Variants in ST6GALNAC5 observed in about 807,000 individuals in gnomAD.
ST6GALNAC5 encodes alpha-N-acetylgalactosaminide alpha-2,6-sialyltransferase 5.
In ST6GALNAC5, 27 loss-of-function variants were observed where a neutral mutation model predicts 33.6. The observed-to-expected ratio is 0.80, with a 90% confidence interval of 0.59 to 1.11. The LOEUF (loss-of-function observed/expected upper bound fraction) is 1.11. Among genes scored for constraint, ST6GALNAC5 ranks in the 50% least tolerant of loss-of-function variants. ST6GALNAC5 has a pLI of 0.00. For synonymous variants in ST6GALNAC5, 194 were observed against 171.2 expected (o/e 1.13, Z -1.04); for missense variants, 428 against 454.0 (o/e 0.94, Z 0.52).
intron 2 of ST6GALNAC5, among the ~76,000 whole-genome samples, chr1:76,870,282 G>A (rs1282392302): frequency 6.6e-6 from 1 of 152,186 alleles, no homozygotes; most frequent in Non-Finnish European, 1.5e-5. Context: ...GATGGCTGTG[G>A]TGTTTATGTG....
At chr1:77,000,632 G>A (rs935928255) in intron 2 of ST6GALNAC5, among the ~76,000 whole-genome samples, 2 of 150,724 alleles carry the variant, frequency 1.3e-5, no homozygotes, top group Non-Finnish European at 3.0e-5. Context: ...TAGGTCTAAC[G>A]TTTAAGTCCT....
chr1:76,965,193 GCAATGGTGGAATTAGTTTACCA>G (rs1392393703), intron 2 of ST6GALNAC5, among the ~76,000 whole-genome samples: 1 of 143,844 alleles, frequency 7.0e-6, no homozygotes, highest in Non-Finnish European at 1.5e-5. Flanking sequence ...ACTGTCTTCC[GCAATGGTGGAATTAGTTTACCA>G]CCCCCCCCAC....
At chr1:76,898,233 T>C (rs1646774563) in intron 2 of ST6GALNAC5, among the ~76,000 whole-genome samples, 1 of 152,204 alleles carries the variant, frequency 6.6e-6, no homozygotes, top group Non-Finnish European at 1.5e-5. Flanking sequence ...CCAGCACTTG[T>C]AGCAAGCTCC....
At chr1:76,960,192 T>C (rs1648175660) in intron 2 of ST6GALNAC5, among the ~76,000 whole-genome samples, 1 of 152,154 alleles carries the variant, frequency 6.6e-6, no homozygotes, top group African/African-American at 2.4e-5. Flanking sequence ...TCAGTCGGTC[T>C]GAGAAATAAA....
chr1:76,963,673 C>T (rs1189650651), intron 2 of ST6GALNAC5, among the ~76,000 whole-genome samples: 1 of 152,136 alleles, frequency 6.6e-6, no homozygotes, highest in African/African-American at 2.4e-5. Flanking sequence ...CTCTTTTGTC[C>T]ATTTCCACCT....
At chr1:77,036,725 T>C (rs1476198687) in intron 2 of ST6GALNAC5, among the ~76,000 whole-genome samples, 1 of 152,264 alleles carries the variant, frequency 6.6e-6, no homozygotes, top group Non-Finnish European at 1.5e-5. Context: ...ACTTATTCTT[T>C]GCAAAGTATA....
At chr1:77,037,808 G>A (rs1176709724) in intron 2 of ST6GALNAC5, among the ~76,000 whole-genome samples, 2 of 152,136 alleles carry the variant, frequency 1.3e-5, no homozygotes, top group Non-Finnish European at 2.9e-5. Flanking sequence ...CAGCAGGGAT[G>A]GTGAGAAGTG....
chr1:77,045,701 A>G (rs1651985086), intron 3 of ST6GALNAC5, among the ~76,000 whole-genome samples: 1 of 152,180 alleles, frequency 6.6e-6, no homozygotes, highest in African/African-American at 2.4e-5. Context: ...CTGGAGGTCC[A>G]GGGAATCAGG....
intron 2 of ST6GALNAC5, among the ~76,000 whole-genome samples, chr1:77,000,913 A>G (rs1650131821): frequency 6.6e-6 from 1 of 152,008 alleles, no homozygotes; most frequent in Non-Finnish European, 1.5e-5. Context: ...TATAGTTTGA[A>G]GTCAGGTAGC....
chr1:77,067,435 C>T lies in ST6GALNAC5; in HGVS notation c.*4229C>T, dbSNP rs541162257. On this transcript the variant is annotated 3_prime_UTR_variant, in exon 5 of 5. Transcript: ENST00000477717. ...CCTGTTAGTCTAATTAGATTGTAAG[C>T]TCCTTGAGGGCAGAGACTCTTTCTC... Among the ~76,000 whole-genome samples the T allele has an allele frequency of 6.6e-6, 1 of 152,278 alleles. No individual in the cohort carries two copies. The highest frequency in any genetic ancestry group is 2.1e-4 in the South Asian group (1 of 4,822).
intron 2 of ST6GALNAC5, among the ~76,000 whole-genome samples, chr1:76,997,199 T>G (rs1186507133): frequency 1.3e-5 from 2 of 152,162 alleles, no homozygotes; most frequent in Non-Finnish European, 2.9e-5. Flanking sequence ...AGTAGAAACT[T>G]GGGAAGTAAA....
chr1:76,950,106 C>T (rs1287887779), intron 2 of ST6GALNAC5, among the ~76,000 whole-genome samples: 2 of 152,112 alleles, frequency 1.3e-5, no homozygotes, highest in Non-Finnish European at 2.9e-5. Context: ...GATTTCTTCA[C>T]ACACATTTTG....
intron 2 of ST6GALNAC5, among the ~76,000 whole-genome samples, chr1:76,901,878 A>G (rs986194906): frequency 6.6e-6 from 1 of 152,198 alleles, no homozygotes; most frequent in Non-Finnish European, 1.5e-5. Context: ...TGCATTTGTA[A>G]TAACAAATAT....
chr1:76,931,259 C>G (rs1269833253), intron 2 of ST6GALNAC5, among the ~76,000 whole-genome samples: 2 of 152,106 alleles, frequency 1.3e-5, no homozygotes, highest in Non-Finnish European at 2.9e-5. Flanking sequence ...CCCAGTCAAA[C>G]CTCTGATGAG....
intron 2 of ST6GALNAC5, among the ~76,000 whole-genome samples, chr1:76,898,473 T>C (rs921141081): frequency 1.3e-5 from 2 of 152,312 alleles, no homozygotes; most frequent in African/African-American, 4.8e-5. Context: ...TGGAGTTTTA[T>C]TTAATGTCAG....
rs146849779 is a variant in ST6GALNAC5, at chr1:77,066,152, C to T, written c.*2946C>T. 1.3e-3 allele frequency among the ~76,000 whole-genome samples: 193 copies of T among 152,162 alleles called. 1 individual carries two copies. Among genetic ancestry groups the T allele is most frequent in the African/African-American group, 4.0e-3 (168 of 41,524 alleles). On this transcript the variant is annotated 3_prime_UTR_variant, in exon 5 of 5. Transcript: ENST00000477717. ...TTAATGGGCATTTGGCAACTAAGTC[C>T]CTGTGCTTTGCTAACCCTGGTGTGT...
chr1:77,002,426 C>T (rs1319719618), intron 2 of ST6GALNAC5, among the ~76,000 whole-genome samples: 2 of 151,968 alleles, frequency 1.3e-5, no homozygotes, highest in Admixed American at 6.6e-5. Flanking sequence ...TTTTGTTGCT[C>T]CTTTCAAAAA....
At chr1:76,933,767 A>C (rs1236417132) in intron 2 of ST6GALNAC5, among the ~76,000 whole-genome samples, 1 of 149,946 alleles carries the variant, frequency 6.7e-6, no homozygotes, top group Non-Finnish European at 1.5e-5. Context: ...CTCTGCCAAA[A>C]AAAAAAAAAA....
At chr1:77,039,971 G>A (rs763129678) in intron 2 of ST6GALNAC5, among the ~76,000 whole-genome samples, 32 of 152,324 alleles carry the variant, frequency 2.1e-4, no homozygotes, top group Non-Finnish European at 1.6e-4. Flanking sequence ...GGAAGAACAT[G>A]TAAATATTGC....
Sources: gnomAD v4.1 joint callset for allele counts (sites outside exome capture counted in the v4.1 genomes callset) on GRCh38, gnomAD v4.1.1 for gene constraint, MANE v1.5 for transcripts, NCBI Gene and HGNC (gene_info 2026-07-23, HGNC 2026-07-21) for gene names.